Variants in LIPI observed in about 807,000 individuals in gnomAD.
LIPI encodes lipase I.
LIPI carries 59 observed loss-of-function variants against 50.6 expected under a neutral mutation model. The ratio of observed to expected loss-of-function variants is 1.16; its 90% CI spans 0.94 to 1.45. The LOEUF is 1.45. LIPI is among the 40% of genes most tolerant of loss of function. The pLI is 0.00. For synonymous variants in LIPI, 203 were observed against 178.2 expected (o/e 1.14, Z -1.11); for missense variants, 586 against 536.3 (o/e 1.09, Z -0.92).
At chr21:14,164,171 T>C (rs2018592769) in intron 6 of LIPI, among the ~76,000 whole-genome samples, 1 of 152,008 alleles carries the variant, frequency 6.6e-6, no homozygotes, top group Non-Finnish European at 1.5e-5. Flanking sequence ...TGTTCCCACA[T>C]TGCTACCTCC....
Position 14,165,346 on chromosome 21 carries a change from A to G in LIPI, c.778T>C (p.Phe260Leu). Residue 260 changes from phenylalanine to leucine, a missense_variant, in exon 6 of 10, where the codon TTC (phenylalanine) becomes CTC (leucine). Coordinates refer to ENST00000681601, the MANE Select transcript of LIPI (RefSeq NM_001302998.2). ...CAGTTTGTTTCTAAAGATGCCATGA[A>G]CAAGTGAACTGCTCTCTGGTGGTTG... Reference protein sequence around the residue: ...KCNHQRAVHLFMASLETNCNF... With the variant: ...KCNHQRAVHLLMASLETNCNF... The G allele has an allele frequency of 6.2e-7, 1 of 1,612,946 alleles. No individual in the cohort carries two copies. Among genetic ancestry groups the G allele is most frequent in the Non-Finnish European group, 8.5e-7 (1 of 1,179,124 alleles).
chr21:14,108,854 T>A lies in LIPI; in HGVS notation c.*139A>T. 1 of 991,602 alleles carries A rather than the reference T, an allele frequency of 1.0e-6. No homozygotes were observed. The highest frequency in any genetic ancestry group is 1.5e-6 in the Non-Finnish European group (1 of 662,722). 61.4% of individuals were successfully genotyped at this position (991,602 alleles called of 1,614,324 possible). Reference sequence around the variant, plus strand: ...GTATGCATTTTTTATTTTCTTTATTTTTGATTCTTAAAATTTTTTCCAAGA... The same window carrying A: ...GTATGCATTTTTTATTTTCTTTATTATTGATTCTTAAAATTTTTTCCAAGA... On this transcript the variant is annotated 3_prime_UTR_variant, in exon 10 of 10. Transcript: ENST00000681601.
At chr21:14,123,208 G>A (rs1222690985) in intron 9 of LIPI, among the ~76,000 whole-genome samples, 1 of 152,230 alleles carries the variant, frequency 6.6e-6, no homozygotes, top group Non-Finnish European at 1.5e-5. Context: ...AAGACTTTCA[G>A]ACTCCCGTAG....
At chr21:14,201,646 T>G (rs1478159412) in intron 1 of LIPI, among the ~76,000 whole-genome samples, 2 of 152,094 alleles carry the variant, frequency 1.3e-5, no homozygotes, top group East Asian at 3.9e-4. Context: ...CCCTTCATGC[T>G]AAAAACTCTC....
chr21:14,182,026 A>G (rs886815592), intron 3 of LIPI, among the ~76,000 whole-genome samples, 167 bp from the exon 4 acceptor site: 1 of 152,216 alleles, frequency 6.6e-6, no homozygotes, highest in African/African-American at 2.4e-5. Flanking sequence ...ATAGCAGGTA[A>G]CTTCAGTATT....
At chr21:14,205,534 A>G (rs1373785064) in intron 1 of LIPI, among the ~76,000 whole-genome samples, 3 of 151,550 alleles carry the variant, frequency 2.0e-5, no homozygotes, top group African/African-American at 7.3e-5. Context: ...ACATGTATAT[A>G]TTTGTGCACA....
intron 1 of LIPI, among the ~76,000 whole-genome samples, chr21:14,192,120 T>C (rs1440525122): frequency 2.6e-5 from 4 of 152,216 alleles, no homozygotes; most frequent in African/African-American, 9.7e-5. Context: ...CATCATATAG[T>C]CGATTTCATC....
intron 9 of LIPI, among the ~76,000 whole-genome samples, chr21:14,116,901 G>T (rs749909708): frequency 2.0e-4 from 30 of 152,200 alleles, no homozygotes; most frequent in Non-Finnish European, 4.3e-4. Context: ...GGCCCCGCCA[G>T]AGGAGCTAGA....
intron 1 of LIPI, among the ~76,000 whole-genome samples, chr21:14,209,211 A>C (rs527688963): frequency 5.9e-5 from 9 of 152,310 alleles, no homozygotes; most frequent in African/African-American, 2.2e-4. Flanking sequence ...TATCTGTATA[A>C]AGTTTTTTGA....
chr21:14,187,987 G>T (rs1425900695), intron 2 of LIPI, among the ~76,000 whole-genome samples: 2 of 152,122 alleles, frequency 1.3e-5, no homozygotes, highest in African/African-American at 2.4e-5. Flanking sequence ...TCTTGGAAGT[G>T]TTGTTATTTG....
At chr21:14,165,467 A>T in intron 5 of LIPI, 77 bp from the exon 6 acceptor site, 1 of 1,134,448 alleles carries the variant, frequency 8.8e-7, no homozygotes, top group Non-Finnish European at 1.3e-6. Context: ...CAAAGTAAAG[A>T]TGAAGTTTTG....
intron 4 of LIPI, 77 bp downstream of exon 4, chr21:14,181,681 T>C (rs2019274317): frequency 1.3e-6 from 1 of 791,850 alleles, no homozygotes; most frequent in Non-Finnish European, 2.2e-6. Context: ...TTTTTCTTCT[T>C]ATGCCCTCCT....
At chr21:14,175,994 C>T (rs9984542) in intron 4 of LIPI, among the ~76,000 whole-genome samples, 2,441 of 151,942 alleles carry the variant, frequency 0.016, 63 homozygotes, top group African/African-American at 0.055. Flanking sequence ...CTGGCTAACA[C>T]GGTGAAACCC....
rs530399209 is a variant in LIPI at position 14,166,253 on chromosome 21, A to G, written c.733+109T>C. 1.7e-5 allele frequency: 13 copies of G among 754,700 alleles called. No homozygotes were observed. The African/African-American group carries it at 2.2e-4, about 13-fold the overall frequency. 46.8% of individuals were successfully genotyped at this position (754,700 alleles called of 1,614,324 possible). On this transcript the variant is annotated intron_variant, in intron 5 of 9. Coordinates refer to ENST00000681601, the MANE Select transcript of LIPI (RefSeq NM_001302998.2). ...CAATGACTCTCCTGAGTCATGGGCA[A>G]TGATGATGAAATCAAAACACTGCCT...
chr21:14,110,990 A>G (rs1247192644), intron 9 of LIPI, among the ~76,000 whole-genome samples: 1 of 149,460 alleles, frequency 6.7e-6, no homozygotes, highest in African/African-American at 2.4e-5. Flanking sequence ...TTCATCCACT[A>G]TTGAAATCTT....
At chr21:14,156,142 T>C (rs958958402) in intron 7 of LIPI, among the ~76,000 whole-genome samples, 8 of 152,016 alleles carry the variant, frequency 5.3e-5, no homozygotes, top group African/African-American at 1.7e-4. Flanking sequence ...TCCCCAAATA[T>C]ATCCTTGTCC....
At chr21:14,116,004 CTGGGAGTGTG>C (rs57941477) in intron 9 of LIPI, among the ~76,000 whole-genome samples, 54,795 of 151,398 alleles carry the variant, frequency 0.36, 10,025 homozygotes, top group East Asian at 0.48. Context: ...GCCACCCCAA[CTGGGAGTGTG>C]TGGGAGTGTG....
intron 9 of LIPI, among the ~76,000 whole-genome samples, chr21:14,114,726 G>T (rs138861323): frequency 2.4e-4 from 36 of 152,214 alleles, no homozygotes; most frequent in African/African-American, 8.4e-4. Context: ...ACTAGATTTG[G>T]GTGGGGACAT....
chr21:14,118,814 A>T (rs1271415131), intron 9 of LIPI, among the ~76,000 whole-genome samples: 1 of 152,226 alleles, frequency 6.6e-6, no homozygotes, highest in East Asian at 1.9e-4. Flanking sequence ...TCAGTATCCC[A>T]TTCCCACAGA....
Sources: gnomAD v4.1 joint callset for allele counts (sites outside exome capture counted in the v4.1 genomes callset) on GRCh38, gnomAD v4.1.1 for gene constraint, MANE v1.5 for transcripts, NCBI Gene and HGNC (gene_info 2026-07-23, HGNC 2026-07-21) for gene names.